Variants in SLC4A4 observed in about 807,000 individuals in gnomAD.
The protein encoded by SLC4A4 is electrogenic sodium bicarbonate cotransporter 1.
A neutral mutation model predicts 111.5 loss-of-function variants in SLC4A4; 27 were observed. That is an observed-to-expected ratio of 0.24 (90% CI 0.18 to 0.33). The LOEUF (loss-of-function observed/expected upper bound fraction) is 0.33. SLC4A4 is among the 10% of genes least tolerant of loss of function. The pLI is 1.00. For missense variants in SLC4A4, 909 were observed against 1,315.5 expected, an observed-to-expected ratio of 0.69 and a Z score of 4.78; for synonymous variants, 443 against 463.4, an observed-to-expected ratio of 0.96 and a Z score of 0.57.
At chr4:71,067,051 A>G (rs994481519) in intron 1 of SLC4A4, among the ~76,000 whole-genome samples, 10 of 152,160 alleles carry the variant, frequency 6.6e-5, no homozygotes, top group African/African-American at 2.4e-4. Flanking sequence ...TGACCGAAAG[A>G]GGCAGAGGGC....
At chr4:71,455,320 T>TA (rs1412921867) in intron 12 of SLC4A4, among the ~76,000 whole-genome samples, 1 of 152,118 alleles carries the variant, frequency 6.6e-6, no homozygotes, top group Admixed American at 6.5e-5. Context: ...AGAGATGAAA[T>TA]AGACAGAGCA....
chr4:71,306,693 A>T (rs2579348), intron 3 of SLC4A4, among the ~76,000 whole-genome samples: 4,987 of 152,312 alleles, frequency 0.033, 290 homozygotes, highest in African/African-American at 0.11. Context: ...GCATAATGAA[A>T]GTTAGCAATT....
At chr4:71,064,272 C>A (rs1242398995) in intron 1 of SLC4A4, among the ~76,000 whole-genome samples, 2 of 152,160 alleles carry the variant, frequency 1.3e-5, no homozygotes, top group Non-Finnish European at 2.9e-5. Context: ...TTTTTAGTAA[C>A]TTGCAGTTCT....
At chr4:71,211,489 C>G (rs1718126981) in intron 1 of SLC4A4, among the ~76,000 whole-genome samples, 1 of 152,214 alleles carries the variant, frequency 6.6e-6, no homozygotes. Context: ...GTAACACAAA[C>G]TACTAACAAT....
intron 2 of SLC4A4, among the ~76,000 whole-genome samples, chr4:71,136,969 T>C (rs1047495431): frequency 6.6e-6 from 1 of 152,178 alleles, no homozygotes; most frequent in Non-Finnish European, 1.5e-5. Flanking sequence ...CTCTTACTCT[T>C]GACCAAAGAA....
At chr4:71,229,905 CAT>C (rs769146273) in intron 1 of SLC4A4, among the ~76,000 whole-genome samples, 19 of 147,580 alleles carry the variant, frequency 1.3e-4, no homozygotes, top group Admixed American at 4.1e-4. Flanking sequence ...GTAGTGAACA[CAT>C]GTTGCCAAAA....
intron 3 of SLC4A4, among the ~76,000 whole-genome samples, chr4:71,297,278 G>A (rs12332070): frequency 5.0e-4 from 76 of 152,308 alleles, no homozygotes; most frequent in African/African-American, 1.7e-3. Context: ...ATCATGGTAT[G>A]AGTTTGCGTC....
At chr4:71,203,225 A>G (rs1455639784) in intron 1 of SLC4A4, among the ~76,000 whole-genome samples, 1 of 152,194 alleles carries the variant, frequency 6.6e-6, no homozygotes, top group East Asian at 1.9e-4. Flanking sequence ...GGGGATTAAA[A>G]TACATAAACC....
At chr4:71,519,587 G>T (rs1732741907) in intron 16 of SLC4A4, among the ~76,000 whole-genome samples, 1 of 152,126 alleles carries the variant, frequency 6.6e-6, no homozygotes, top group African/African-American at 2.4e-5. Flanking sequence ...CACATTTACA[G>T]CTAAGTAATA....
chr4:71,488,512 C>T lies in SLC4A4; in HGVS notation c.1974+1494C>T, dbSNP rs142986419. ...CACCTACTAGAGACCACATGTGTTA[C>T]ACATATTCTCATCATTGTAGACCTT... is the stretch of plus-strand genomic sequence containing the variant. On this transcript the variant is annotated intron_variant, in intron 15 of 25. Coordinates refer to ENST00000264485, the MANE Select transcript of SLC4A4 (RefSeq NM_001098484.3). Among the ~76,000 whole-genome samples, 180 of 151,780 alleles carry T rather than the reference C, an allele frequency of 1.2e-3. 2 individuals are homozygous for T. The East Asian group carries it at 0.012, about 10-fold the overall frequency.
At chr4:71,124,374 A>G (rs571251483) in intron 2 of SLC4A4, among the ~76,000 whole-genome samples, 2 of 152,044 alleles carry the variant, frequency 1.3e-5, no homozygotes, top group East Asian at 1.9e-4. Flanking sequence ...GTTTCACCAC[A>G]TTGGCCAGGA....
At chr4:71,115,447 G>C (rs1743220024) in intron 2 of SLC4A4, among the ~76,000 whole-genome samples, 5 of 152,092 alleles carry the variant, frequency 3.3e-5, no homozygotes, top group African/African-American at 1.2e-4. Flanking sequence ...GCTGAGCAAA[G>C]TCAATAGAAT....
intron 7 of SLC4A4, among the ~76,000 whole-genome samples, chr4:71,414,790 A>G (rs1022203704): frequency 3.3e-5 from 5 of 152,240 alleles, no homozygotes; most frequent in African/African-American, 9.6e-5. Context: ...TGGGGCAGAA[A>G]GAATAAAAGA....
At chr4:71,333,658 G>A (rs1728196629) in intron 3 of SLC4A4, among the ~76,000 whole-genome samples, 1 of 152,208 alleles carries the variant, frequency 6.6e-6, no homozygotes, top group Admixed American at 6.5e-5. Flanking sequence ...TGCCATGCAG[G>A]AACCAGGGCC....
At chr4:71,328,338 C>T (rs925652820) in intron 3 of SLC4A4, among the ~76,000 whole-genome samples, 1 of 152,068 alleles carries the variant, frequency 6.6e-6, no homozygotes, top group Non-Finnish European at 1.5e-5. Flanking sequence ...TTCTTTTGAG[C>T]ATATACCTAG....
intron 7 of SLC4A4, among the ~76,000 whole-genome samples, chr4:71,412,871 C>G (rs772378310): frequency 8.5e-5 from 13 of 152,174 alleles, no homozygotes; most frequent in Non-Finnish European, 1.8e-4. Flanking sequence ...ACTAGTCAAT[C>G]TTTAAGTAAT....
At chr4:71,192,192 A>G (rs947471523) in intron 1 of SLC4A4, among the ~76,000 whole-genome samples, 1 of 152,128 alleles carries the variant, frequency 6.6e-6, no homozygotes, top group Non-Finnish European at 1.5e-5. Flanking sequence ...ATGGACTTCT[A>G]TGTTAGTTAA....
chr4:71,232,982 G>A (rs1373567099), intron 1 of SLC4A4, among the ~76,000 whole-genome samples: 1 of 152,260 alleles, frequency 6.6e-6, no homozygotes, highest in Non-Finnish European at 1.5e-5. Flanking sequence ...TGTACGTGCA[G>A]TAGCACAGGG....
chr4:71,140,828 G>C (rs1182032586), intron 2 of SLC4A4, among the ~76,000 whole-genome samples: 1 of 152,016 alleles, frequency 6.6e-6, no homozygotes, highest in Non-Finnish European at 1.5e-5. Flanking sequence ...TCTCTCACTA[G>C]GATGATTGCA....
Sources: gnomAD v4.1 joint callset for allele counts (sites outside exome capture counted in the v4.1 genomes callset) on GRCh38, gnomAD v4.1.1 for gene constraint, MANE v1.5 for transcripts, NCBI Gene and HGNC (gene_info 2026-07-23, HGNC 2026-07-21) for gene names.